The following EPG5 variants were observed in gnomAD, a reference collection of about 807,000 sequenced individuals.
EPG5 encodes ectopic P-granules 5 autophagy tethering factor.
In EPG5, 159 loss-of-function variants were observed where a neutral mutation model predicts 302.7. The ratio of observed to expected loss-of-function variants is 0.53; its 90% CI spans 0.46 to 0.60. The LOEUF (loss-of-function observed/expected upper bound fraction) is 0.60. Ranked by LOEUF, EPG5 falls within the 20% of genes least tolerant of loss-of-function variation. The pLI, the probability that EPG5 is intolerant of heterozygous loss-of-function variation, is 0.00. For synonymous variants in EPG5, 1,158 were observed against 1,136.8 expected (o/e 1.02, Z -0.37); for missense variants, 2,896 against 3,092.4 (o/e 0.94, Z 1.51).
rs1169662089 is a variant in EPG5, at chr18:45,934,835, G to GGCTGCAGGGAGGAGGAGAGCT, written c.2210_2230dup (p.Gln737_Gln743dup). ...TTGGAGCTGCTGCTTGCACTGGGCG[G>GGCTGCAGGGAGGAGGAGAGCT]GCTGCAGGGAGGAGGAGAGCTGCTG... On this transcript the variant is annotated inframe_insertion, in exon 11 of 44. Coordinates refer to ENST00000282041, the MANE Select transcript of EPG5 (RefSeq NM_020964.3). 3.1e-6 allele frequency: 5 copies of GGCTGCAGGGAGGAGGAGAGCT among 1,614,028 alleles called. No individual in the cohort carries two copies. Among genetic ancestry groups the GGCTGCAGGGAGGAGGAGAGCT allele is most frequent in the Non-Finnish European group, 4.2e-6 (5 of 1,179,982 alleles).
At chr18:45,836,566 G>T in the EPG5 span, among the ~76,000 whole-genome samples, 1 of 152,186 alleles carries the variant, frequency 6.6e-6, no homozygotes, top group Non-Finnish European at 1.5e-5. Context: ...TGGAGGCAGA[G>T]CTCTGCTTCC....
chr18:45,892,777 G>A (rs2049381911), intron 27 of EPG5, among the ~76,000 whole-genome samples: 1 of 152,052 alleles, frequency 6.6e-6, no homozygotes, highest in Non-Finnish European at 1.5e-5. Flanking sequence ...GCAGATAGCT[G>A]GAAATTTCCA....
chr18:45,904,802 T>C (rs964590006), intron 24 of EPG5, among the ~76,000 whole-genome samples: 2 of 152,242 alleles, frequency 1.3e-5, no homozygotes, highest in Non-Finnish European at 2.9e-5. Context: ...AAATATTTGA[T>C]ATAAAAAATT....
chr18:45,865,824 T>A, intron 38 of EPG5, 65 bp from the exon 39 acceptor site: 1 of 1,532,810 alleles, frequency 6.5e-7, no homozygotes, highest in Non-Finnish European at 8.9e-7. Flanking sequence ...ACTGCATATT[T>A]CCTGGGAGCA....
intron 22 of EPG5, among the ~76,000 whole-genome samples, chr18:45,911,731 C>T (rs2049908127): frequency 6.6e-6 from 1 of 152,124 alleles, no homozygotes; most frequent in Non-Finnish European, 1.5e-5. Context: ...GCCACCATGC[C>T]CAGCCAGTAT....
At chr18:45,884,238 T>G (rs1367940360) in intron 30 of EPG5, among the ~76,000 whole-genome samples, 2 of 152,180 alleles carry the variant, frequency 1.3e-5, no homozygotes, top group Non-Finnish European at 2.9e-5. Context: ...CTCATAGAAG[T>G]GCGAACCCTA....
the EPG5 span, chr18:45,840,302 G>T: frequency 6.4e-7 from 1 of 1,552,320 alleles, no homozygotes; most frequent in Non-Finnish European, 8.8e-7. Context: ...CATCACCCAG[G>T]GGGTCCAGGC....
chr18:45,823,380 G>A, the EPG5 span, among the ~76,000 whole-genome samples: 1 of 152,174 alleles, frequency 6.6e-6, no homozygotes, highest in Non-Finnish European at 1.5e-5. Flanking sequence ...GAAGATCTAA[G>A]AGGCAACTTG....
At chr18:45,928,583 T>C (rs1182585144) in intron 13 of EPG5, among the ~76,000 whole-genome samples, 2 of 152,204 alleles carry the variant, frequency 1.3e-5, no homozygotes, top group Non-Finnish European at 2.9e-5. Flanking sequence ...GAAATAAAAA[T>C]TGTTAATTAA....
chr18:45,909,719 T>A (rs866439756), intron 23 of EPG5, among the ~76,000 whole-genome samples: 4 of 152,192 alleles, frequency 2.6e-5, no homozygotes, highest in African/African-American at 9.6e-5. Flanking sequence ...AGACCCCTCA[T>A]CTCAGGTGGA....
intron 1 of EPG5, among the ~76,000 whole-genome samples, chr18:45,957,506 TAGAC>T (rs1427053559): frequency 2.0e-5 from 3 of 152,208 alleles, no homozygotes; most frequent in Non-Finnish European, 4.4e-5. Context: ...ACAGGGTTCT[TAGAC>T]TGAGAAATCA....
chr18:45,965,950 G>A (rs2051241737), intron 1 of EPG5, among the ~76,000 whole-genome samples: 1 of 152,120 alleles, frequency 6.6e-6, no homozygotes, highest in South Asian at 2.1e-4. Context: ...TTACTCGGGA[G>A]GCTGAGGCAG....
downstream of EPG5, among the ~76,000 whole-genome samples, chr18:45,845,912 C>T (rs1349109196): frequency 4.6e-5 from 7 of 152,212 alleles, no homozygotes; most frequent in Admixed American, 6.5e-5. Flanking sequence ...GATGTAGCTA[C>T]GTGAGAAGAA....
At position 45,851,280 on chromosome 18, in the gene EPG5, T is replaced by C. The variant is rs186204996; in HGVS notation, c.*1187A>G. The C allele has an allele frequency of 6.6e-5, 10 of 152,250 alleles. 1 individual carries two copies. The highest frequency in any genetic ancestry group is 1.9e-4 in the East Asian group (1 of 5,176). 9.4% of individuals were successfully genotyped at this position (152,250 alleles called of 1,614,324 possible). On this transcript the variant is annotated 3_prime_UTR_variant, in exon 44 of 44. Coordinates refer to ENST00000282041, the MANE Select transcript of EPG5 (RefSeq NM_020964.3). The stretch of plus-strand genomic sequence containing the variant: ...GCAGGCAAAATCCATCTAGAGCTGA[T>C]AGAATGAGGAACGTGGGAACAGAAG...
At chr18:45,856,221 C>T (rs2048512583) in intron 42 of EPG5, among the ~76,000 whole-genome samples, 1 of 152,116 alleles carries the variant, frequency 6.6e-6, no homozygotes, top group Admixed American at 6.5e-5. Context: ...TAAAAACAAA[C>T]GAAGTATGGA....
Position 45,878,380 on chromosome 18 carries a change from C to T in EPG5, c.5938G>A (p.Glu1980Lys), listed in dbSNP as rs763614919. 10 of 1,602,136 alleles carry T rather than the reference C, an allele frequency of 6.2e-6. No homozygotes were observed. Among genetic ancestry groups the T allele is most frequent in the Non-Finnish European group, 8.5e-6 (10 of 1,170,012 alleles). ...AATATCTAAAAAACTGTTTACCTTT[C>T]GTTGTCCTCTAAAACCAGGATCCAT... ...KPWILVLEDN[E>K]SSQQRHYPWL... The change falls in exon 34 of 44, where the codon GAA (glutamate) becomes AAA (lysine). Residue 1980 changes from glutamate to lysine, a missense_variant. Glu to Lys is a moderately conservative substitution (Grantham distance 56). Coordinates refer to ENST00000282041, the MANE Select transcript of EPG5 (RefSeq NM_020964.3).
chr18:45,816,356 G>C, the EPG5 span, among the ~76,000 whole-genome samples: 1 of 152,062 alleles, frequency 6.6e-6, no homozygotes, highest in South Asian at 2.1e-4. Flanking sequence ...CCCACAGAGA[G>C]AGAAAATCTT....
chr18:45,945,592 G>A (rs1434397164), intron 7 of EPG5, among the ~76,000 whole-genome samples: 3 of 151,880 alleles, frequency 2.0e-5, no homozygotes, highest in African/African-American at 2.4e-5. Context: ...TAATTATAAC[G>A]CTCCTTAATC....
At chr18:45,841,514 T>G in the EPG5 span, among the ~76,000 whole-genome samples, 369 of 152,256 alleles carry the variant, frequency 2.4e-3, 2 homozygotes, top group African/African-American at 8.5e-3. Flanking sequence ...GGAGACTTGG[T>G]TGCAGGCCGT....
Sources: gnomAD v4.1 joint callset for allele counts (sites outside exome capture counted in the v4.1 genomes callset) on GRCh38, gnomAD v4.1.1 for gene constraint, MANE v1.5 for transcripts, NCBI Gene and HGNC (gene_info 2026-07-23, HGNC 2026-07-21) for gene names.